Variants in PTGIR observed in about 807,000 individuals in gnomAD.
The protein encoded by PTGIR is prostaglandin I2 receptor.
PTGIR carries 16 observed loss-of-function variants against 17.6 expected under a neutral mutation model. The ratio of observed to expected loss-of-function variants is 0.91; its 90% CI spans 0.61 to 1.38. The LOEUF is 1.38. Ranked by LOEUF, PTGIR falls within the 40% of genes most tolerant of loss-of-function variation. PTGIR has a pLI of 0.00. For missense variants in PTGIR, 532 were observed against 548.6 expected (o/e 0.97, Z 0.30); for synonymous variants, 274 against 255.4 (o/e 1.07, Z -0.69).
downstream of PTGIR, among the ~76,000 whole-genome samples, chr19:46,615,560 C>A (rs1240578993): frequency 6.6e-6 from 1 of 152,144 alleles, no homozygotes; most frequent in African/African-American, 2.4e-5. Context: ...GGCTGGAGTG[C>A]AGTAGTGTGA....
At position 46,624,099 on chromosome 19, in the gene PTGIR, G is replaced by A; in HGVS notation, c.127C>T (p.Pro43Ser). Residue 43 changes from proline to serine, a missense_variant, in exon 2 of 3, where the codon CCG becomes TCG. By Grantham distance (74) the Pro-to-Ser change is moderately conservative. Transcript: ENST00000291294. The part of the protein sequence containing the change: ...LALGILSARR[P>S]ARPSAFAVLV... Reference sequence around the variant, plus strand: ...ACCGCGAAGGCCGAGGGGCGCGCCGGTCGCCGTGCGCTCAGGATGCCCAGG... The same window carrying A: ...ACCGCGAAGGCCGAGGGGCGCGCCGATCGCCGTGCGCTCAGGATGCCCAGG... The A allele has an allele frequency of 1.3e-6, 2 of 1,539,368 alleles. No homozygotes were observed. The highest frequency in any genetic ancestry group is 1.7e-6 in the Non-Finnish European group (2 of 1,148,634).
chr19:46,616,894 G>A (rs1455118992), downstream of PTGIR, among the ~76,000 whole-genome samples: 1 of 152,246 alleles, frequency 6.6e-6, no homozygotes, highest in Admixed American at 6.5e-5. Context: ...GAGCGGGTGA[G>A]CAGACACACG....
the PTGIR span, among the ~76,000 whole-genome samples, chr19:46,611,295 A>G: frequency 6.6e-6 from 1 of 152,232 alleles, no homozygotes. Flanking sequence ...CTTGGAGCCC[A>G]GCCGGGTGAA....
rs756436997 is a variant in PTGIR, at chr19:46,621,597, C to T, written c.844G>A (p.Ala282Thr). 14 of 1,613,664 alleles carry T rather than the reference C, an allele frequency of 8.7e-6. No homozygotes were observed. The highest frequency in any genetic ancestry group is 1.6e-4 in the Middle Eastern group (1 of 6,084). Residue 282 changes from alanine to threonine, a missense_variant, in exon 3 of 3, where the codon GCC becomes ACC. By Grantham distance (58) the Ala-to-Thr change is moderately conservative. Transcript: ENST00000291294. The surrounding 1 kb of genome is among the most constrained non-coding windows in gnomAD (Gnocchi z 4.8). Reference sequence around the variant, plus strand: ...CAGGGGTCCAGGATGGGGTTGAAGGCGTAGAAGCGGAAGGCAAGGAGGTCC... The same window carrying T: ...CAGGGGTCCAGGATGGGGTTGAAGGTGTAGAAGCGGAAGGCAAGGAGGTCC... ...MGDLLAFRFY[A>T]FNPILDPWVF...
chr19:46,620,812 GT>G lies in PTGIR; in HGVS notation c.*467del. On this transcript the variant is annotated 3_prime_UTR_variant, in exon 3 of 3. Coordinates refer to ENST00000291294, the MANE Select transcript of PTGIR (RefSeq NM_000960.4). ...GCAGGGAGCTTTTCCAATAACTGTG[GT>G]TTTTGTGGAGCAGAAAGGGGCTGGC... 1.0e-6 allele frequency: 1 copy of G among 986,962 alleles called. No homozygotes were observed. Among genetic ancestry groups the G allele is most frequent in the Non-Finnish European group, 1.2e-6 (1 of 830,742 alleles). The allele number at this position is 986,962 out of a possible 1,614,324, so 61.1% of individuals were successfully genotyped here. A position where few individuals can be genotyped will look rare whatever the true frequency, so the allele number is the denominator to read the frequency against.
Position 46,621,934 on chromosome 19 carries a change from G to A in PTGIR, c.769-262C>T, listed in dbSNP as rs571987975. Reference sequence around the variant, plus strand: ...ACCCTTGGAAGCTGGGAGGACCCTCGGGCTCCACAGATTTTTGAGTATAAC... The same window carrying A: ...ACCCTTGGAAGCTGGGAGGACCCTCAGGCTCCACAGATTTTTGAGTATAAC... On this transcript the variant is annotated intron_variant, in intron 2 of 2. Coordinates refer to ENST00000291294, the MANE Select transcript of PTGIR (RefSeq NM_000960.4). The surrounding 1 kb of genome is among the most constrained non-coding windows in gnomAD (Gnocchi z 4.8). The A allele has an allele frequency of 1.2e-5, 15 of 1,271,026 alleles. No individual in the cohort carries two copies. The South Asian group carries it at 1.8e-4, about 15-fold the overall frequency. The allele number at this position is 1,271,026 out of a possible 1,614,324, so 78.7% of individuals were successfully genotyped here.
chr19:46,619,497 A>AAAAGAAAGAAAGAAAGAAAGAAAG (rs1176986063), downstream of PTGIR, among the ~76,000 whole-genome samples: 3 of 110,478 alleles, frequency 2.7e-5, no homozygotes, highest in Non-Finnish European at 1.8e-5. Context: ...TCTGTCTCAA[A>AAAAGAAAGAAAGAAAGAAAGAAAG]AAAGAAAGAA....
At chr19:46,612,720 TG>T in the PTGIR span, among the ~76,000 whole-genome samples, 1 of 152,006 alleles carries the variant, frequency 6.6e-6, no homozygotes. Flanking sequence ...GTCCCAGTGG[TG>T]GGGTCTGAAA....
chr19:46,616,326 CTTTTTTTT>C (rs1021116711), downstream of PTGIR, among the ~76,000 whole-genome samples: 5 of 66,574 alleles, frequency 7.5e-5, no homozygotes, highest in African/African-American at 2.9e-4. Context: ...GACAGAAATG[CTTTTTTTT>C]TTTTTTTTTT....
chr19:46,616,327 T>TA (rs1971962697), downstream of PTGIR, among the ~76,000 whole-genome samples: 1 of 63,330 alleles, frequency 1.6e-5, no homozygotes, highest in Non-Finnish European at 3.4e-5. Flanking sequence ...ACAGAAATGC[T>TA]TTTTTTTTTT....
rs200587945 is a variant in PTGIR, at chr19:46,623,702, C to T, written c.524G>A (p.Arg175His). 4.8e-5 allele frequency: 76 copies of T among 1,569,512 alleles called. No homozygotes were observed. Among genetic ancestry groups the T allele is most frequent in the Non-Finnish European group, 5.9e-5 (68 of 1,161,662 alleles). Residue 175 changes from arginine to histidine, a missense_variant, in exon 2 of 3, where the codon CGC becomes CAC. By Grantham distance (29) the Arg-to-His change is conservative. Coordinates refer to ENST00000291294, the MANE Select transcript of PTGIR (RefSeq NM_000960.4). ...GGCGGCGCCGCCCGGCTGGGCCCAG[C>T]GCATGCGGAGGAAGCACCAGCTGCC... is the stretch of plus-strand genomic sequence containing the variant. ...CPGSWCFLRMRWAQPGGAAFS... is the reference protein window; with the variant it reads ...CPGSWCFLRMHWAQPGGAAFS...
Position 46,620,679 on chromosome 19 carries a change from C to A in PTGIR, c.*601G>T. 1 of 985,988 alleles carries A rather than the reference C, an allele frequency of 1.0e-6. No individual in the cohort carries two copies. Among genetic ancestry groups the A allele is most frequent in the Non-Finnish European group, 1.2e-6 (1 of 829,994 alleles). The allele number at this position is 985,988 out of a possible 1,614,324, so 61.1% of individuals were successfully genotyped here. On this transcript the variant is annotated 3_prime_UTR_variant, in exon 3 of 3. Transcript: ENST00000291294. ...TGTCTCAGGCCCTTTTTGTACCAAG[C>A]ACATGTCCTACGTCATCACCCACAA...
downstream of PTGIR, among the ~76,000 whole-genome samples, chr19:46,617,303 G>A (rs1350250239): frequency 6.6e-6 from 1 of 152,186 alleles, no homozygotes; most frequent in Non-Finnish European, 1.5e-5. Context: ...GATGAACTTG[G>A]ACAGTCAGGG....
At chr19:46,610,876 G>A in the PTGIR span, 1 of 152,802 alleles carries the variant, frequency 6.5e-6, no homozygotes, top group Non-Finnish European at 1.5e-5. Flanking sequence ...GCCCAGAGGT[G>A]GAAGAGCCTC....
chr19:46,624,337 G>C, intron 1 of PTGIR, 100 bp from the exon 2 acceptor site: 1 of 1,198,884 alleles, frequency 8.3e-7, no homozygotes. Flanking sequence ...TGGCAGCTGG[G>C]GCCTCCCAGC....
chr19:46,624,448 CT>C, intron 1 of PTGIR: 2 of 451,846 alleles, frequency 4.4e-6, no homozygotes, highest in Non-Finnish European at 7.7e-6. Context: ...TTCTCTTTCT[CT>C]CTTTCTTTTC....
chr19:46,621,524 C>G lies in PTGIR; in HGVS notation c.917G>C (p.Trp306Ser), dbSNP rs201485361. Residue 306 changes from tryptophan to serine, a missense_variant, in exon 3 of 3, where the codon TGG becomes TCG. Transcript: ENST00000291294. This position sits in a 1 kb window ranked among gnomAD's most constrained non-coding sequence, Gnocchi z 4.8. ...RKAVFQRLKL[W>S]VCCLCLGPAH... is the part of the protein sequence containing the mutation. ...AGGCCCGAGGCACAGGCAGCAGACCCAGAGCTTGAGTCGCTGGAAGACAGC... is the reference window on the plus strand; with the variant it reads ...AGGCCCGAGGCACAGGCAGCAGACCGAGAGCTTGAGTCGCTGGAAGACAGC... The G allele has an allele frequency of 2.3e-5, 37 of 1,614,056 alleles. No individual in the cohort carries two copies. Among genetic ancestry groups the G allele is most frequent in the Middle Eastern group, 1.6e-4 (1 of 6,084 alleles).
chr19:46,620,878 G>T lies in PTGIR; in HGVS notation c.*402C>A. ...GGTAGAGGGGGAGGGCCATCCCCTG[G>T]GGACTTGGGGTGGGCAGTTGGGCCT... On this transcript the variant is annotated 3_prime_UTR_variant, in exon 3 of 3. Transcript: ENST00000291294. The T allele has an allele frequency of 4.0e-6, 4 of 993,134 alleles. No homozygotes were observed. The highest frequency in any genetic ancestry group is 4.8e-6 in the Non-Finnish European group (4 of 835,198). 61.5% of individuals were successfully genotyped at this position (993,134 alleles called of 1,614,324 possible).
the PTGIR span, chr19:46,614,267 G>T: frequency 1.5e-6 from 1 of 654,862 alleles, no homozygotes; most frequent in Non-Finnish European, 1.9e-6. Context: ...GGTGGCTCTG[G>T]GGCCACTCCT....
Sources: gnomAD v4.1 joint callset for allele counts (sites outside exome capture counted in the v4.1 genomes callset) on GRCh38, gnomAD v4.1.1 for gene constraint, Gnocchi (gnomAD v3.1) non-coding constraint, MANE v1.5 for transcripts, NCBI Gene and HGNC (gene_info 2026-07-23, HGNC 2026-07-21) for gene names.